The following SND1 variants were observed in gnomAD, a reference collection of about 807,000 sequenced individuals.
SND1 encodes staphylococcal nuclease domain-containing protein 1.
SND1 carries 38 observed loss-of-function variants against 121.7 expected under a neutral mutation model. The ratio of observed to expected loss-of-function variants is 0.31; its 90% CI spans 0.24 to 0.41. SND1 has a LOEUF of 0.41. SND1 is among the 10% of genes least tolerant of loss of function. SND1 has a pLI of 1.00. For synonymous variants in SND1, 401 were observed against 447.4 expected (o/e 0.90, Z 1.31); for missense variants, 868 against 1,184.6 (o/e 0.73, Z 3.92).
At chr7:128,061,004 T>C (rs1793222279) in intron 16 of SND1, among the ~76,000 whole-genome samples, 1 of 151,996 alleles carries the variant, frequency 6.6e-6, no homozygotes, top group Non-Finnish European at 1.5e-5. Flanking sequence ...CACAACAGAA[T>C]TGGGAGGTGG....
chr7:128,051,503 G>T (rs1399499222), intron 16 of SND1, among the ~76,000 whole-genome samples: 1 of 152,218 alleles, frequency 6.6e-6, no homozygotes, highest in African/African-American at 2.4e-5. Context: ...CTAACAGTGT[G>T]AAGTGACTGA....
intron 15 of SND1, among the ~76,000 whole-genome samples, chr7:127,945,675 G>T (rs550463472): frequency 5.3e-5 from 8 of 152,026 alleles, no homozygotes; most frequent in Admixed American, 1.3e-4. Context: ...ACAGAGCCTC[G>T]CCAGGCCTCA....
rs184903790 is a variant in SND1, at chr7:128,059,646, A to C, written c.1780-14856A>C. 2.1e-3 allele frequency among the ~76,000 whole-genome samples: 319 copies of C among 152,342 alleles called. 1 individual carries two copies. The highest frequency in any genetic ancestry group is 2.9e-3 in the Non-Finnish European group (197 of 68,034). On this transcript the variant is annotated intron_variant, in intron 16 of 23. Transcript: ENST00000354725. ...AGCCCTGCTGTCTTTCTGGAGATGC[A>C]GTGCTGAACCACAAGCATCCTTCCT... is the stretch of plus-strand genomic sequence containing the variant.
rs1554422863 is a variant in SND1 at position 127,764,056 on chromosome 7, A to AAAAAAAC, written c.1152+42660_1152+42661insAACAAAA. 2.1e-4 allele frequency among the ~76,000 whole-genome samples: 29 copies of AAAAAAAC among 135,290 alleles called. 1 individual carries two copies. Among genetic ancestry groups the AAAAAAAC allele is most frequent in the African/African-American group, 2.6e-4 (10 of 38,312 alleles). The allele number at this position is 135,290 out of a possible 152,430, so 88.8% of individuals were successfully genotyped here. A position where few individuals can be genotyped will look rare whatever the true frequency, so the allele number is the denominator to read the frequency against. On this transcript the variant is annotated intron_variant, in intron 10 of 23. Coordinates refer to ENST00000354725, the MANE Select transcript of SND1 (RefSeq NM_014390.4). ...CCTGTCGCAAAAAAAAAAAAAACAAAAAAACAAAAAAACAAAAAACCCAAG... is the reference window on the plus strand; with the variant it reads ...CCTGTCGCAAAAAAAAAAAAAACAAAAAAAAACAAAACAAAAAAACAAAAAACCCAAG...
chr7:127,810,226 G>T lies in SND1; in HGVS notation c.1242+2653G>T, dbSNP rs538975146. Among the ~76,000 whole-genome samples, 4 of 152,202 alleles carry T rather than the reference G, an allele frequency of 2.6e-5. No individual in the cohort carries two copies. The East Asian group carries it at 7.7e-4, about 29-fold the overall frequency. On this transcript the variant is annotated intron_variant, in intron 11 of 23. Transcript: ENST00000354725. ...GACTTTATTGCCTTTTCAACCCATT[G>T]CATGAATTCCAGTGTTATTTAATTA... is the stretch of plus-strand genomic sequence containing the variant.
At chr7:127,671,876 A>G (rs1795523622) in intron 1 of SND1, among the ~76,000 whole-genome samples, 1 of 152,200 alleles carries the variant, frequency 6.6e-6, no homozygotes, top group Admixed American at 6.5e-5. Flanking sequence ...ATTTGGGGCT[A>G]TTTTAAACAG....
At chr7:127,809,085 A>G (rs2116579442) in intron 11 of SND1, among the ~76,000 whole-genome samples, 1 of 152,296 alleles carries the variant, frequency 6.6e-6, no homozygotes, top group East Asian at 1.9e-4. Flanking sequence ...AGCAGCTGCT[A>G]ATGGCCTTGG....
chr7:127,839,362 C>G (rs1044216995), intron 11 of SND1, among the ~76,000 whole-genome samples: 3 of 152,140 alleles, frequency 2.0e-5, no homozygotes, highest in Non-Finnish European at 2.9e-5. Context: ...GCCCCAAAGC[C>G]TTACGTAACA....
At chr7:127,880,667 A>G (rs989937658) in intron 12 of SND1, among the ~76,000 whole-genome samples, 1 of 152,148 alleles carries the variant, frequency 6.6e-6, no homozygotes, top group Non-Finnish European at 1.5e-5. Flanking sequence ...AAGATCTAAG[A>G]AACAGAGCCA....
At chr7:127,673,700 G>A (rs185564283) in intron 1 of SND1, among the ~76,000 whole-genome samples, 1 of 152,298 alleles carries the variant, frequency 6.6e-6, no homozygotes, top group Non-Finnish European at 1.5e-5. Flanking sequence ...TTTTTCAACT[G>A]TAATAGAGAA....
At chr7:127,998,650 G>A (rs1362897) in intron 16 of SND1, 16,861 of 152,226 alleles carry the variant, frequency 0.11, 1,205 homozygotes, top group Admixed American at 0.22. Context: ...GGCCCTTTGC[G>A]AAGTACTTCA....
intron 16 of SND1, among the ~76,000 whole-genome samples, chr7:128,018,652 G>A (rs1031769224): frequency 6.6e-6 from 1 of 152,142 alleles, no homozygotes; most frequent in East Asian, 1.9e-4. Flanking sequence ...CTCTCTGGCC[G>A]GGCTGCCTGC....
chr7:128,055,092 A>G (rs1394481722), intron 16 of SND1, among the ~76,000 whole-genome samples: 1 of 152,200 alleles, frequency 6.6e-6, no homozygotes, highest in Non-Finnish European at 1.5e-5. Context: ...TTTAAATTAT[A>G]AACTTCGTGG....
At chr7:127,696,197 TA>T (rs1254831968) in intron 3 of SND1, among the ~76,000 whole-genome samples, 7 of 152,188 alleles carry the variant, frequency 4.6e-5, no homozygotes. Flanking sequence ...GCAAGCAGGG[TA>T]GAATGACAGT....
chr7:128,045,277 A>C (rs1401055726), intron 16 of SND1, among the ~76,000 whole-genome samples: 1 of 151,910 alleles, frequency 6.6e-6, no homozygotes, highest in Non-Finnish European at 1.5e-5. Flanking sequence ...TCCCCACCCC[A>C]CCCAGTGGCT....
At chr7:127,919,900 G>C (rs1270764288) in intron 14 of SND1, among the ~76,000 whole-genome samples, 1 of 152,100 alleles carries the variant, frequency 6.6e-6, no homozygotes, top group Admixed American at 6.6e-5. Context: ...TGCTTTCGTA[G>C]AATATTTTAG....
At chr7:127,714,172 T>G (rs946536783) in intron 9 of SND1, among the ~76,000 whole-genome samples, 5 of 152,158 alleles carry the variant, frequency 3.3e-5, no homozygotes, top group Non-Finnish European at 7.3e-5. Context: ...CTTGGTCCTC[T>G]GTACCTATAT....
intron 10 of SND1, among the ~76,000 whole-genome samples, chr7:127,799,095 G>C (rs891547007): frequency 6.6e-6 from 1 of 152,168 alleles, no homozygotes; most frequent in African/African-American, 2.4e-5. Flanking sequence ...GACCTACTGA[G>C]TCAGATTATC....
intron 10 of SND1, 86 bp downstream of exon 10, chr7:127,721,486 C>A: frequency 1.5e-6 from 1 of 685,024 alleles, no homozygotes; most frequent in Non-Finnish European, 2.5e-6. Context: ...ATATATAATA[C>A]ATATATGTGG....
Sources: allele counts gnomAD v4.1 joint callset (sites outside exome capture counted in the v4.1 genomes callset), GRCh38; gene constraint gnomAD v4.1.1; transcripts MANE v1.5; gene names NCBI Gene and HGNC (gene_info 2026-07-23, HGNC 2026-07-21).